The following ARIH1 variants were observed in gnomAD, a reference collection of about 807,000 sequenced individuals.
ARIH1 encodes ariadne RBR E3 ubiquitin protein ligase 1.
In ARIH1, 8 loss-of-function variants were observed where a neutral mutation model predicts 85.0. The ratio of observed to expected loss-of-function variants is 0.09; its 90% confidence interval spans 0.06 to 0.17. The LOEUF (loss-of-function observed/expected upper bound fraction) is 0.17. ARIH1 is among the 10% of genes least tolerant of loss of function. ARIH1 has a pLI of 1.00. For missense variants in ARIH1, 311 were observed against 718.1 expected, an observed-to-expected ratio of 0.43 and a Z score of 6.48; for synonymous variants, 238 against 253.6, an observed-to-expected ratio of 0.94 and a Z score of 0.59.
intron 3 of ARIH1, among the ~76,000 whole-genome samples, chr15:72,551,653 C>T (rs536710875): frequency 6.6e-6 from 1 of 152,058 alleles, no homozygotes; most frequent in Non-Finnish European, 1.5e-5. Context: ...TAAATTTAAA[C>T]GGTGATAAGT....
At chr15:72,486,804 G>A (rs1033371502) in intron 1 of ARIH1, among the ~76,000 whole-genome samples, 1 of 142,400 alleles carries the variant, frequency 7.0e-6, no homozygotes, top group East Asian at 2.1e-4. Flanking sequence ...AGTGATTATC[G>A]TGCCTCAGCC....
At chr15:72,554,878 C>T (rs2064168313) in intron 3 of ARIH1, among the ~76,000 whole-genome samples, 1 of 152,078 alleles carries the variant, frequency 6.6e-6, no homozygotes, top group South Asian at 2.1e-4. Flanking sequence ...CTCAGCCTCC[C>T]AAGTAGCTGG....
At position 72,600,042 on chromosome 15, in the gene ARIH1, C is replaced by T. The variant is rs2064376910; in HGVS notation, c.*16750C>T. On this transcript the variant is annotated 3_prime_UTR_variant, in exon 14 of 14. Coordinates refer to ENST00000379887, the MANE Select transcript of ARIH1 (RefSeq NM_005744.5). ...ACTTCCAAAGAGAAATAAGATGTTA[C>T]AGACTTGTCCAGCAGGTGGCATCAG... 6.6e-6 allele frequency: 1 copy of T among 152,196 alleles called. No individual in the cohort carries two copies. The highest frequency in any genetic ancestry group is 2.1e-4 in the South Asian group (1 of 4,830). 9.4% of individuals were successfully genotyped at this position (152,196 alleles called of 1,614,324 possible). A position where few individuals can be genotyped will look rare whatever the true frequency, so the allele number is the denominator to read the frequency against.
intron 7 of ARIH1, among the ~76,000 whole-genome samples, chr15:72,565,877 G>A (rs2064217770): frequency 6.6e-6 from 1 of 152,072 alleles, no homozygotes; most frequent in Non-Finnish European, 1.5e-5. Flanking sequence ...TCTGTCTTTA[G>A]CAAAGGACTT....
intron 1 of ARIH1, among the ~76,000 whole-genome samples, chr15:72,480,202 T>C (rs566282857): frequency 1.4e-4 from 21 of 152,054 alleles, no homozygotes; most frequent in South Asian, 1.2e-3. Context: ...TGTTTACTGA[T>C]TGGGGAGTCA....
intron 1 of ARIH1, among the ~76,000 whole-genome samples, chr15:72,476,504 A>G (rs2063795636): frequency 6.6e-6 from 1 of 151,918 alleles, no homozygotes; most frequent in East Asian, 1.9e-4. Flanking sequence ...AGCTGGTACT[A>G]CAGGCGCGCT....
chr15:72,506,366 GAAAA>G (rs1227942202), intron 1 of ARIH1, among the ~76,000 whole-genome samples: 1 of 54,496 alleles, frequency 1.8e-5, no homozygotes, highest in African/African-American at 4.9e-5. Context: ...AAAAAAAAAA[GAAAA>G]AAAAAAAGAA....
At chr15:72,542,589 C>T (rs1202423716) in intron 2 of ARIH1, among the ~76,000 whole-genome samples, 2 of 151,940 alleles carry the variant, frequency 1.3e-5, no homozygotes, top group South Asian at 2.1e-4. Context: ...GAATATTGTG[C>T]AAAAATGAAA....
In ARIH1 at chr15:72,474,795, G is replaced by A. The variant is rs748338027; in HGVS notation, c.156G>A (p.Leu52=). 2 of 1,501,550 alleles carry A rather than the reference G, an allele frequency of 1.3e-6. No homozygotes were observed. Among genetic ancestry groups the A allele is most frequent in the South Asian group, 1.3e-5 (1 of 75,640 alleles). The allele number at this position is 1,501,550 out of a possible 1,614,324, so 93.0% of individuals were successfully genotyped here. Residue 52 remains leucine, a synonymous_variant, in exon 1 of 14, where the codon CTG becomes CTA. Coordinates refer to ENST00000379887, the MANE Select transcript of ARIH1 (RefSeq NM_005744.5). ...LGEVELVEPG[L]GVGGERDGLL... is the part of the protein sequence containing the mutation. ...AGGTGGAGCTGGTGGAGCCCGGGCTGGGCGTCGGCGGGGAGCGGGACGGAC... is the reference window on the plus strand; with the variant it reads ...AGGTGGAGCTGGTGGAGCCCGGGCTAGGCGTCGGCGGGGAGCGGGACGGAC...
chr15:72,558,127 C>A (rs2064182671), intron 5 of ARIH1, among the ~76,000 whole-genome samples: 1 of 152,120 alleles, frequency 6.6e-6, no homozygotes, highest in Non-Finnish European at 1.5e-5. Context: ...TGGAATGCTT[C>A]CAGCCTTTGC....
chr15:72,504,167 G>C (rs959555741), intron 1 of ARIH1, among the ~76,000 whole-genome samples: 2 of 152,174 alleles, frequency 1.3e-5, no homozygotes, highest in Non-Finnish European at 2.9e-5. Context: ...CGATTCTCCT[G>C]CCTCAGTCTC....
intron 1 of ARIH1, among the ~76,000 whole-genome samples, chr15:72,511,840 A>G: frequency 6.6e-6 from 1 of 152,106 alleles, no homozygotes; most frequent in East Asian, 1.9e-4. Context: ...TGCCTCTTCT[A>G]GGCACTTCTT....
chr15:72,552,986 G>A (rs2064159408), intron 3 of ARIH1, among the ~76,000 whole-genome samples: 1 of 152,080 alleles, frequency 6.6e-6, no homozygotes, highest in Admixed American at 6.6e-5. Context: ...TTTTGGCCAG[G>A]CTGGTCTTAA....
Position 72,592,921 on chromosome 15 carries a change from G to C in ARIH1, c.*9629G>C, listed in dbSNP as rs1356212968. ...TTTTTGTGGATATACATCTTCACTT[G>C]TCTTGGATAAATAAGAGTAGAAAAT... On this transcript the variant is annotated 3_prime_UTR_variant, in exon 14 of 14. Coordinates refer to ENST00000379887, the MANE Select transcript of ARIH1 (RefSeq NM_005744.5). 1 of 152,034 alleles carries C rather than the reference G, an allele frequency of 6.6e-6. No homozygotes were observed. The highest frequency in any genetic ancestry group is 1.9e-4 in the East Asian group (1 of 5,196). The allele number at this position is 152,034 out of a possible 1,614,324, so 9.4% of individuals were successfully genotyped here.
rs1470915025 is a variant in ARIH1, at chr15:72,563,379, T to C, written c.805-15T>C. On this transcript the variant is annotated splice_polypyrimidine_tract_variant and intron_variant, in intron 6 of 13. Transcript: ENST00000379887. ...CAGCCAGCTGTCATTTTTTATTTTC[T>C]AACTTGTATTTCAGTGCAATCGACT... 55 of 1,609,300 alleles carry C rather than the reference T, an allele frequency of 3.4e-5. No individual in the cohort carries two copies. Among genetic ancestry groups the C allele is most frequent in the Non-Finnish European group, 4.5e-5 (53 of 1,175,634 alleles).
chr15:72,491,192 C>T (rs949290785), intron 1 of ARIH1, among the ~76,000 whole-genome samples: 1 of 152,038 alleles, frequency 6.6e-6, no homozygotes, highest in African/African-American at 2.4e-5. Flanking sequence ...CCCTATCTAC[C>T]TTAGCTGCCA....
At chr15:72,517,969 G>T in intron 1 of ARIH1, 98 bp from the exon 2 acceptor site, 1 of 771,130 alleles carries the variant, frequency 1.3e-6, no homozygotes, top group Non-Finnish European at 2.1e-6. Flanking sequence ...GGAAATTTGG[G>T]TGGAGTATTG....
intron 11 of ARIH1, among the ~76,000 whole-genome samples, chr15:72,578,597 G>T (rs1357992642): frequency 6.6e-6 from 1 of 151,090 alleles, no homozygotes. Flanking sequence ...TCTTAATTTT[G>T]GTTTGTCCGC....
chr15:72,501,905 A>G (rs1352269385), intron 1 of ARIH1, among the ~76,000 whole-genome samples: 3 of 151,914 alleles, frequency 2.0e-5, no homozygotes, highest in Admixed American at 1.3e-4. Context: ...TTTTGCCCCT[A>G]TAAGGAATAG....
Sources: gnomAD v4.1 joint callset for allele counts (sites outside exome capture counted in the v4.1 genomes callset) on GRCh38, gnomAD v4.1.1 for gene constraint, MANE v1.5 for transcripts, NCBI Gene and HGNC (gene_info 2026-07-23, HGNC 2026-07-21) for gene names.